The following ALDH4A1 variants were observed in gnomAD, a reference collection of about 807,000 sequenced individuals.
ALDH4A1 encodes the protein aldehyde dehydrogenase 4 family member A1.
ALDH4A1 carries 46 observed loss-of-function variants against 70.5 expected under a neutral mutation model. The observed-to-expected ratio is 0.65, with a 90% CI of 0.51 to 0.83. The LOEUF is 0.83. ALDH4A1 is among the 40% of genes least tolerant of loss of function. The pLI is 0.00. For synonymous variants in ALDH4A1, 323 were observed against 324.3 expected (o/e 1.00, Z 0.04); for missense variants, 749 against 766.5 (o/e 0.98, Z 0.27).
chr1:18,896,805 A>G (rs1372070727), intron 1 of ALDH4A1, among the ~76,000 whole-genome samples: 1 of 151,998 alleles, frequency 6.6e-6, no homozygotes, highest in Non-Finnish European at 1.5e-5. Context: ...AGGAAGAGGA[A>G]TTGCTTGTAC....
chr1:18,893,661 C>A (rs948702966), intron 1 of ALDH4A1, among the ~76,000 whole-genome samples: 8 of 152,166 alleles, frequency 5.3e-5, no homozygotes, highest in Non-Finnish European at 1.0e-4. Context: ...CGCCACCACA[C>A]CCAGCTCATT....
At chr1:18,895,701 A>G (rs929210152) in intron 1 of ALDH4A1, among the ~76,000 whole-genome samples, 1 of 152,224 alleles carries the variant, frequency 6.6e-6, no homozygotes, top group East Asian at 1.9e-4. Context: ...GGGCCAGCCA[A>G]TGCAGCTTCA....
chr1:18,899,358 C>T (rs1267815620), intron 1 of ALDH4A1, among the ~76,000 whole-genome samples: 1 of 152,222 alleles, frequency 6.6e-6, no homozygotes, highest in African/African-American at 2.4e-5. Flanking sequence ...GTAACCAATT[C>T]CGGCCCACAA....
At position 18,877,464 on chromosome 1, in the gene ALDH4A1, C is replaced by T; in HGVS notation, c.1089G>A (p.Gln363=). 6.3e-7 allele frequency: 1 copy of T among 1,595,478 alleles called. No individual in the cohort carries two copies. Among genetic ancestry groups the T allele is most frequent in the African/African-American group, 1.3e-5 (1 of 74,792 alleles). The stretch of plus-strand genomic sequence containing the variant: ...GCTCCTCCAGCAGCCGCCCTTTGAT[C>T]TGCGGCCACAGCGAGTGCGGCACGT... ...RLYVPHSLWP[Q]IKGRLLEEHS... The change falls in exon 10 of 15, where the codon CAG becomes CAA. Residue 363 remains glutamine, a synonymous_variant. Transcript: ENST00000375341.
At chr1:18,902,390 A>G in intron 1 of ALDH4A1, 72 bp downstream of exon 1, 2 of 1,204,740 alleles carry the variant, frequency 1.7e-6, no homozygotes, top group Non-Finnish European at 2.1e-6. Context: ...GGCGCGGGGG[A>G]CGCCCAGTGA....
intron 1 of ALDH4A1, among the ~76,000 whole-genome samples, chr1:18,894,510 T>G (rs1935549699): frequency 6.6e-6 from 1 of 152,230 alleles, no homozygotes. Flanking sequence ...GCCACTGCAC[T>G]CCAGCCTGGG....
intron 13 of ALDH4A1, among the ~76,000 whole-genome samples, chr1:18,875,181 C>A (rs948654189): frequency 1.9e-4 from 29 of 152,184 alleles, no homozygotes; most frequent in Non-Finnish European, 7.3e-5. Context: ...ACCCTGGCAC[C>A]GGCACCACCA....
chr1:18,882,056 C>G (rs1392205028), intron 7 of ALDH4A1, among the ~76,000 whole-genome samples, 169 bp from the exon 8 acceptor site: 1 of 151,994 alleles, frequency 6.6e-6, no homozygotes, highest in Non-Finnish European at 1.5e-5. Flanking sequence ...GGCCCTATCT[C>G]CAAAAGTCCC....
chr1:18,894,745 A>C (rs1159897075), intron 1 of ALDH4A1, among the ~76,000 whole-genome samples: 1 of 151,976 alleles, frequency 6.6e-6, no homozygotes, highest in Non-Finnish European at 1.5e-5. Context: ...CTGTCCGTCC[A>C]TCAGTCTGAG....
intron 1 of ALDH4A1, among the ~76,000 whole-genome samples, chr1:18,899,803 T>A (rs1935740845): frequency 6.6e-6 from 1 of 152,228 alleles, no homozygotes; most frequent in Non-Finnish European, 1.5e-5. Flanking sequence ...GTGATTGTCC[T>A]GAGGCTGGCC....
intron 7 of ALDH4A1, chr1:18,882,729 G>A (rs543567180): frequency 8.3e-5 from 47 of 566,936 alleles, no homozygotes; most frequent in Admixed American, 2.7e-4. Context: ...CAGCAGGCAC[G>A]TGGTGAGCAC....
At chr1:18,888,526 G>A (rs1557622762) in intron 3 of ALDH4A1, among the ~76,000 whole-genome samples, 1 of 152,234 alleles carries the variant, frequency 6.6e-6, no homozygotes. Flanking sequence ...GAGCCTCGCT[G>A]CCTGGAAAAA....
intron 7 of ALDH4A1, among the ~76,000 whole-genome samples, chr1:18,882,278 G>A (rs1209598182): frequency 6.6e-6 from 1 of 152,182 alleles, no homozygotes; most frequent in Admixed American, 6.5e-5. Flanking sequence ...AGCCAGGCAC[G>A]TGGGCGCCTG....
Position 18,886,671 on chromosome 1 carries a change from G to C in ALDH4A1, c.250-160C>G, listed in dbSNP as rs568573938. ...AACCCTCCCCAGTGCCCGGCCCACA[G>C]GTTGCTCCCTGTTAAGGGTGCTGGT... On this transcript the variant is annotated intron_variant, in intron 3 of 14. Transcript: ENST00000375341. Among the ~76,000 whole-genome samples, 87 of 152,210 alleles carry C rather than the reference G, an allele frequency of 5.7e-4. 1 individual carries two copies. The highest frequency in any genetic ancestry group is 2.0e-3 in the African/African-American group (83 of 41,532).
intron 3 of ALDH4A1, among the ~76,000 whole-genome samples, chr1:18,886,974 C>T (rs1386433097): frequency 6.6e-6 from 1 of 152,132 alleles, no homozygotes; most frequent in Non-Finnish European, 1.5e-5. Context: ...ATTCTTTGGT[C>T]CAGTATGAGG....
intron 1 of ALDH4A1, among the ~76,000 whole-genome samples, chr1:18,894,221 C>G (rs1422847751): frequency 6.6e-6 from 1 of 152,192 alleles, no homozygotes; most frequent in Non-Finnish European, 1.5e-5. Flanking sequence ...TGGAGGAATA[C>G]ACAGCACCAT....
At chr1:18,889,791 AC>A (rs1935363704) in intron 2 of ALDH4A1, among the ~76,000 whole-genome samples, 1 of 152,218 alleles carries the variant, frequency 6.6e-6, no homozygotes, top group African/African-American at 2.4e-5. Context: ...ATGACATCTG[AC>A]CTGGCCTGAG....
In ALDH4A1 at chr1:18,877,219, T is replaced by G. The variant is rs1270785916; in HGVS notation, c.1174A>C (p.Ile392Leu). 1 of 1,608,444 alleles carries G rather than the reference T, an allele frequency of 6.2e-7. No individual in the cohort carries two copies. Among genetic ancestry groups the G allele is most frequent in the East Asian group, 2.2e-5 (1 of 44,622 alleles). The change falls in exon 11 of 15, where the codon ATT becomes CTT. Residue 392 changes from isoleucine to leucine, a missense_variant. Ile to Leu is a conservative substitution (Grantham distance 5). Transcript: ENST00000375341. ...EDFGTFFSAV[I>L]DAKSFARIKK... ...TTCCCACCCCGTACCTTGGCATCAA[T>G]CACTGCAGAGAAGAAGGTCCCAAAA...
Position 18,872,669 on chromosome 1 carries a change from A to T in ALDH4A1, c.*176T>A. ...CATGTTCCTCCCCAGCACGATCTCA[A>T]ACCAGAGCCTGAGGCATGGGAGAGG... is the stretch of plus-strand genomic sequence containing the variant. On this transcript the variant is annotated 3_prime_UTR_variant, in exon 15 of 15. Transcript: ENST00000375341. 1.7e-6 allele frequency: 1 copy of T among 598,398 alleles called. No individual in the cohort carries two copies. The highest frequency in any genetic ancestry group is 2.0e-5 in the South Asian group (1 of 50,722). The allele number at this position is 598,398 out of a possible 1,614,324, so 37.1% of individuals were successfully genotyped here. A position where few individuals can be genotyped will look rare whatever the true frequency, so the allele number is the denominator to read the frequency against.
Sources: allele counts gnomAD v4.1 joint callset (sites outside exome capture counted in the v4.1 genomes callset), GRCh38; gene constraint gnomAD v4.1.1; transcripts MANE v1.5; gene names NCBI Gene and HGNC (gene_info 2026-07-23, HGNC 2026-07-21).